The following CDH12 variants were observed in gnomAD, a reference collection of about 807,000 sequenced individuals.
CDH12 encodes cadherin-12.
Under a neutral mutation model 74.1 loss-of-function variants are expected in CDH12, and 41 were observed. The observed-to-expected ratio is 0.55, with a 90% confidence interval of 0.43 to 0.72. The LOEUF is 0.72. Ranked by LOEUF, CDH12 falls within the 30% of genes least tolerant of loss-of-function variation. The pLI, the probability that CDH12 is intolerant of heterozygous loss-of-function variation, is 0.00. For synonymous variants in CDH12, 399 were observed against 355.0 expected, an observed-to-expected ratio of 1.12 and a Z score of -1.39; for missense variants, 945 against 977.2, an observed-to-expected ratio of 0.97 and a Z score of 0.44.
At chr5:22,384,584 A>C (rs1741922692) in intron 3 of CDH12, among the ~76,000 whole-genome samples, 1 of 151,892 alleles carries the variant, frequency 6.6e-6, no homozygotes, top group African/African-American at 2.4e-5. Flanking sequence ...TCCATTACCA[A>C]AACTAATTCA....
At chr5:22,414,675 T>G (rs1360617915) in intron 2 of CDH12, among the ~76,000 whole-genome samples, 3 of 151,866 alleles carry the variant, frequency 2.0e-5, no homozygotes, top group Non-Finnish European at 4.4e-5. Flanking sequence ...TTTTATTGAA[T>G]TACTGATTCA....
intron 1 of CDH12, among the ~76,000 whole-genome samples, chr5:22,672,683 T>C (rs552742636): frequency 3.3e-5 from 5 of 152,250 alleles, no homozygotes; most frequent in Admixed American, 6.6e-5. Context: ...TGTTAAAGCA[T>C]CAGAAAATTA....
chr5:22,224,575 T>C (rs946197906), intron 3 of CDH12, among the ~76,000 whole-genome samples: 2 of 152,108 alleles, frequency 1.3e-5, no homozygotes, highest in Non-Finnish European at 2.9e-5. Flanking sequence ...GGTACGTATG[T>C]AGTTTTTAAA....
intron 3 of CDH12, among the ~76,000 whole-genome samples, chr5:22,240,682 T>TGC (rs879380064): frequency 0.07 from 10,572 of 151,950 alleles, 478 homozygotes; most frequent in South Asian, 0.15. Flanking sequence ...TACAGGCGCC[T>TGC]GCCACCATGC....
rs1195255533 is a variant in CDH12, at chr5:21,854,790, C to T, written c.527G>A (p.Gly176Asp). 3.1e-6 allele frequency: 5 copies of T among 1,606,644 alleles called. No homozygotes were observed. The highest frequency in any genetic ancestry group is 3.4e-6 in the Non-Finnish European group (4 of 1,176,358). Residue 176 changes from glycine (G) to aspartate (D), a missense_variant and splice_region_variant, in exon 7 of 15, where the codon GGT (glycine) becomes GAT (aspartate). This residue lies in a region of CDH12 where 791 missense variants were observed against 792.8 expected (regional missense o/e 1.00). Transcript: ENST00000382254. ...GGCCTTGACCTGGAGTACATATGCA[C>T]CTGGAAAATAAGACAATATCACTCT... ...VATVPEMSPVGAYVLQVKATD... is the reference protein window; with the variant it reads ...VATVPEMSPVDAYVLQVKATD...
At chr5:22,584,375 T>C (rs1040231418) in intron 1 of CDH12, among the ~76,000 whole-genome samples, 19 of 152,178 alleles carry the variant, frequency 1.2e-4, no homozygotes, top group Non-Finnish European at 2.8e-4. Context: ...GCTGGGATTA[T>C]AGGTGTGAGC....
chr5:22,154,467 A>AG (rs1561169796), intron 4 of CDH12, among the ~76,000 whole-genome samples: 32 of 1,622 alleles, frequency 0.02, 1 homozygote, highest in Admixed American at 0.062. Context: ...ACACATATAT[A>AG]TGTACACATA....
intron 11 of CDH12, among the ~76,000 whole-genome samples, chr5:21,773,219 GTTAAT>G (rs768871521): frequency 3.3e-5 from 5 of 152,132 alleles, no homozygotes; most frequent in Admixed American, 6.6e-5. Flanking sequence ...AGTTGTGATG[GTTAAT>G]TTGAGTGTCA....
intron 6 of CDH12, among the ~76,000 whole-genome samples, chr5:21,880,177 T>C (rs1010747329): frequency 1.3e-5 from 2 of 152,214 alleles, no homozygotes; most frequent in Non-Finnish European, 2.9e-5. Flanking sequence ...ACTTGGAAGT[T>C]TGAATAGCAG....
At chr5:22,833,261 C>T (rs1341030049) in intron 1 of CDH12, among the ~76,000 whole-genome samples, 1 of 152,158 alleles carries the variant, frequency 6.6e-6, no homozygotes, top group Non-Finnish European at 1.5e-5. Context: ...GCTGCTAGCT[C>T]ACTGGCTGGA....
chr5:21,960,118 TAGAC>T (rs1756290039), intron 6 of CDH12, among the ~76,000 whole-genome samples: 1 of 151,986 alleles, frequency 6.6e-6, no homozygotes, highest in African/African-American at 2.4e-5. Flanking sequence ...CTGACAGTCA[TAGAC>T]AGATCATCAA....
chr5:22,033,391 A>G (rs1377766827), intron 5 of CDH12, among the ~76,000 whole-genome samples: 2 of 152,212 alleles, frequency 1.3e-5, no homozygotes, highest in African/African-American at 4.8e-5. Context: ...CTTTGCCAGG[A>G]TTAACAAGGA....
In CDH12 at chr5:22,324,089, C is replaced by T. The variant is rs368002662; in HGVS notation, c.-333+81168G>A. On this transcript the variant is annotated intron_variant, in intron 3 of 14. Coordinates refer to ENST00000382254, the MANE Select transcript of CDH12 (RefSeq NM_004061.5). ...GCATACAACACATTTATTTCTTCAG[C>T]ACAATGAACAAAATTCACAATGATT... Among the ~76,000 whole-genome samples the T allele has an allele frequency of 7.2e-5, 11 of 152,122 alleles. No homozygotes were observed. In the East Asian group the frequency reaches 1.5e-3, roughly 21 times the overall value.
intron 5 of CDH12, among the ~76,000 whole-genome samples, chr5:22,021,092 T>C (rs1214281924): frequency 6.6e-6 from 1 of 152,158 alleles, no homozygotes; most frequent in African/African-American, 2.4e-5. Flanking sequence ...TGCACACCCA[T>C]AATGGGATAT....
chr5:22,838,571 C>A (rs1454062871), intron 1 of CDH12, among the ~76,000 whole-genome samples: 1 of 151,794 alleles, frequency 6.6e-6, no homozygotes, highest in African/African-American at 2.4e-5. Flanking sequence ...AGAACAATAG[C>A]AACACCTCCA....
chr5:22,168,051 G>T (rs1216158474), intron 4 of CDH12, among the ~76,000 whole-genome samples: 1 of 152,024 alleles, frequency 6.6e-6, no homozygotes, highest in Non-Finnish European at 1.5e-5. Flanking sequence ...TGGCACCCAA[G>T]GTGAGAAGCT....
At chr5:22,034,683 T>C (rs770175417) in intron 5 of CDH12, among the ~76,000 whole-genome samples, 18 of 152,150 alleles carry the variant, frequency 1.2e-4, no homozygotes, top group African/African-American at 4.1e-4. Flanking sequence ...AATCAAACTT[T>C]CATATTTGAA....
intron 1 of CDH12, among the ~76,000 whole-genome samples, chr5:22,718,490 G>A (rs993840507): frequency 6.6e-6 from 1 of 152,162 alleles, no homozygotes; most frequent in Non-Finnish European, 1.5e-5. Context: ...CCAAGTAAAG[G>A]TATTAGAAAT....
chr5:22,454,609 A>G (rs972854578), intron 2 of CDH12, among the ~76,000 whole-genome samples: 7 of 152,024 alleles, frequency 4.6e-5, no homozygotes, highest in African/African-American at 1.7e-4. Flanking sequence ...GAGCAGCTGG[A>G]TTACAGGTGT....
Sources: allele counts gnomAD v4.1 joint callset (sites outside exome capture counted in the v4.1 genomes callset), GRCh38; gene constraint gnomAD v4.1.1; regional missense constraint gnomAD v4.1.1; transcripts MANE v1.5; gene names NCBI Gene and HGNC (gene_info 2026-07-23, HGNC 2026-07-21).